Variants in LATS1 observed in about 807,000 individuals in gnomAD.
The protein encoded by LATS1 is large tumor suppressor kinase 1.
LATS1 carries 25 observed loss-of-function variants against 106.6 expected under a neutral mutation model. That is an observed-to-expected ratio of 0.23 (90% CI 0.17 to 0.33). LATS1 has a LOEUF of 0.33. Among genes scored for constraint, LATS1 ranks in the 10% least tolerant of loss-of-function variants. The pLI is 1.00. For missense variants in LATS1, 1,040 were observed against 1,382.6 expected, an observed-to-expected ratio of 0.75 and a Z score of 3.93; for synonymous variants, 465 against 455.6, an observed-to-expected ratio of 1.02 and a Z score of -0.26.
At position 149,715,354 on chromosome 6, in the gene LATS1, A is replaced by C. The variant is rs906568737; in HGVS notation, c.-141+2495T>G. 2.6e-5 allele frequency among the ~76,000 whole-genome samples: 4 copies of C among 152,318 alleles called. No individual in the cohort carries two copies. The South Asian group carries it at 8.3e-4, about 32-fold the overall frequency. ...AAAGTGCTGGTTACAGGCGTGAGCC[A>C]CTGCGCCCGGCTAGATGTACTATTA... On this transcript the variant is annotated intron_variant, in intron 1 of 7. Coordinates refer to ENST00000543571, the MANE Select transcript of LATS1 (RefSeq NM_004690.4).
Position 149,707,990 on chromosome 6 carries a change from T to C in LATS1, c.-140-5724A>G, listed in dbSNP as rs537308723. On this transcript the variant is annotated intron_variant, in intron 1 of 7. Coordinates refer to ENST00000543571, the MANE Select transcript of LATS1 (RefSeq NM_004690.4). The stretch of plus-strand genomic sequence containing the variant: ...CCTTTCTCTTTACTTTTGTGTATTC[T>C]TGAAGTTTTCCAAAATAGAGAGTTA... Among the ~76,000 whole-genome samples the C allele has an allele frequency of 6.8e-3, 1,029 of 152,214 alleles. 5 individuals carry two copies. The highest frequency in any genetic ancestry group is 9.1e-3 in the Non-Finnish European group (619 of 68,022).
intron 5 of LATS1, among the ~76,000 whole-genome samples, chr6:149,678,833 C>T (rs941643530): frequency 3.3e-5 from 5 of 152,040 alleles, no homozygotes; most frequent in Non-Finnish European, 5.9e-5. Context: ...CTAACTAGGT[C>T]TCAGTTTCTT....
rs1780873593 is a variant in LATS1, at chr6:149,661,305, T to A, written c.*424A>T. 1.3e-5 allele frequency: 3 copies of A among 233,618 alleles called. No individual in the cohort carries two copies. In the South Asian group the frequency reaches 5.4e-4, roughly 42 times the overall value. 14.5% of individuals were successfully genotyped at this position (233,618 alleles called of 1,614,324 possible). On this transcript the variant is annotated 3_prime_UTR_variant, in exon 8 of 8. Transcript: ENST00000543571. ...CAAGGTTATGAGGGGAAAAAAGAGC[T>A]CTGTAAAATAGGGGGTATGTTTCAT...
chr6:149,669,185 G>A (rs1781319853), intron 7 of LATS1, among the ~76,000 whole-genome samples: 1 of 151,632 alleles, frequency 6.6e-6, no homozygotes, highest in Non-Finnish European at 1.5e-5. Context: ...CCAGGCTGGA[G>A]TGCAGTGGCG....
chr6:149,673,282 T>G (rs1030660411), intron 7 of LATS1, among the ~76,000 whole-genome samples: 1 of 151,620 alleles, frequency 6.6e-6, no homozygotes, highest in Non-Finnish European at 1.5e-5. Flanking sequence ...ATTTTTTTTG[T>G]AGAGACACGG....
chr6:149,685,296 T>A (rs761267263), intron 3 of LATS1, among the ~76,000 whole-genome samples: 1 of 152,174 alleles, frequency 6.6e-6, no homozygotes, highest in Non-Finnish European at 1.5e-5. Flanking sequence ...CATGTATATT[T>A]GTAGATAAAT....
At chr6:149,666,635 A>G (rs2114703820) in intron 7 of LATS1, among the ~76,000 whole-genome samples, 2 of 151,222 alleles carry the variant, frequency 1.3e-5, no homozygotes, top group Middle Eastern at 6.8e-3. Flanking sequence ...AAAAAAAAAA[A>G]AAGTAGCCAT....
At chr6:149,699,869 C>T (rs1452640543) in intron 2 of LATS1, among the ~76,000 whole-genome samples, 2 of 152,176 alleles carry the variant, frequency 1.3e-5, no homozygotes, top group African/African-American at 4.8e-5. Context: ...CACATTACCA[C>T]TTGGGGCCTT....
At chr6:149,698,589 C>T (rs185434495) in intron 2 of LATS1, among the ~76,000 whole-genome samples, 99 of 146,508 alleles carry the variant, frequency 6.8e-4, no homozygotes, top group African/African-American at 2.5e-3. Context: ...CTCACTCTGT[C>T]GCCCAGGCTG....
rs376444726 is a variant in LATS1 at position 149,661,805 on chromosome 6, C to T, written c.3317G>A (p.Gly1106Asp). The change falls in exon 8 of 8, where the codon GGC becomes GAC. Residue 1106 changes from glycine (G) to aspartate (D), a missense_variant. This residue lies in a region of LATS1 where 46 missense variants were observed against 42.4 expected (regional missense o/e 1.09). Transcript: ENST00000543571. ...ATCTTCATCCGACTGCTGCTCTGAG[C>T]CTTGTGAATTAATGTATTCATATTC... ...PIEYEYINSQ[G>D]SEQQSDEDDQ... is the part of the protein sequence containing the mutation. 2.5e-6 allele frequency: 4 copies of T among 1,611,122 alleles called. No individual in the cohort carries two copies. The East Asian group carries it at 8.9e-5, about 36-fold the overall frequency.
chr6:149,661,250 TA>T lies in LATS1; in HGVS notation c.*478del. ...AGGAACACTCACCAACACGATGGCT[TA>T]ATTTCTCTAGCTTATTTTCTACCAA... On this transcript the variant is annotated 3_prime_UTR_variant, in exon 8 of 8. Transcript: ENST00000543571. 1 of 232,226 alleles carries T rather than the reference TA, an allele frequency of 4.3e-6. No homozygotes were observed. The highest frequency in any genetic ancestry group is 8.5e-6 in the Non-Finnish European group (1 of 117,552). 14.4% of individuals were successfully genotyped at this position (232,226 alleles called of 1,614,324 possible). A position where few individuals can be genotyped will look rare whatever the true frequency, so the allele number is the denominator to read the frequency against.
chr6:149,714,871 A>G (rs1222714485), intron 1 of LATS1, among the ~76,000 whole-genome samples: 1 of 152,078 alleles, frequency 6.6e-6, no homozygotes, highest in Non-Finnish European at 1.5e-5. Context: ...TTGAATGAAT[A>G]AATGTATGCT....
chr6:149,717,255 T>C (rs890342833), intron 1 of LATS1, among the ~76,000 whole-genome samples: 2 of 152,218 alleles, frequency 1.3e-5, no homozygotes, highest in Non-Finnish European at 2.9e-5. Context: ...CTACAAGCTA[T>C]TTCAGGTTAT....
At chr6:149,714,471 TA>T (rs1784277173) in intron 1 of LATS1, among the ~76,000 whole-genome samples, 2 of 152,160 alleles carry the variant, frequency 1.3e-5, no homozygotes, top group East Asian at 1.9e-4. Context: ...ACAATGCAAT[TA>T]AAGGCATAAG....
chr6:149,675,880 T>C (rs904664617), intron 7 of LATS1: 6 of 178,382 alleles, frequency 3.4e-5, no homozygotes, highest in African/African-American at 1.4e-4. Flanking sequence ...GAGAATGATA[T>C]ATGATATATG....
At chr6:149,685,448 T>C (rs1200663248) in intron 3 of LATS1, among the ~76,000 whole-genome samples, 1 of 152,232 alleles carries the variant, frequency 6.6e-6, no homozygotes, top group African/African-American at 2.4e-5. Flanking sequence ...TGGAGTGCAG[T>C]GGCACAGACT....
At chr6:149,683,057 T>A (rs996639084) in intron 4 of LATS1, 22 bp downstream of exon 4, 1 of 1,573,832 alleles carries the variant, frequency 6.4e-7, no homozygotes, top group Non-Finnish European at 8.7e-7. Flanking sequence ...AGTATAAAAA[T>A]GGACATTTTA....
At chr6:149,708,870 C>T (rs111665787) in intron 1 of LATS1, among the ~76,000 whole-genome samples, 2,380 of 152,140 alleles carry the variant, frequency 0.016, 63 homozygotes, top group African/African-American at 0.055. Flanking sequence ...AAAGACTGCC[C>T]AAATGGAAAC....
Position 149,661,830 on chromosome 6 carries a change from C to A in LATS1, c.3292G>T (p.Glu1098Ter), listed in dbSNP as rs1362084588. The A allele has an allele frequency of 1.2e-6, 2 of 1,613,634 alleles. No homozygotes were observed. The highest frequency in any genetic ancestry group is 1.7e-6 in the Non-Finnish European group (2 of 1,179,904). The change falls in exon 8 of 8, where the codon GAA becomes TAA. Residue 1098 changes from glutamate (E) to a stop codon, truncating the protein, a stop_gained. Transcript: ENST00000543571. LOFTEE classifies it high-confidence loss of function. ...GYPYNYPKPI[E>*]YEYINSQGSE... is the part of the protein sequence containing the mutation. Reference sequence around the variant, plus strand: ...CCTTGTGAATTAATGTATTCATATTCAATAGGCTTCGGATAATTATATGGG... The same window carrying A: ...CCTTGTGAATTAATGTATTCATATTAAATAGGCTTCGGATAATTATATGGG...
Sources: allele counts gnomAD v4.1 joint callset (sites outside exome capture counted in the v4.1 genomes callset), GRCh38; gene constraint gnomAD v4.1.1; regional missense constraint gnomAD v4.1.1; transcripts MANE v1.5; gene names NCBI Gene and HGNC (gene_info 2026-07-23, HGNC 2026-07-21).